Variants in RC3H2 observed in about 807,000 individuals in gnomAD.
RC3H2 encodes the protein ring finger and CCCH-type domains 2, also known as roquin-2.
RC3H2 carries 31 observed loss-of-function variants against 133.3 expected under a neutral mutation model. That is an observed-to-expected ratio of 0.23 (90% CI 0.17 to 0.31). RC3H2 has a LOEUF of 0.31. Ranked by LOEUF, RC3H2 falls within the 10% of genes least tolerant of loss-of-function variation. The probability of loss-of-function intolerance (pLI) is 1.00; values close to 1 mark genes in which losing one functional copy is unlikely to be tolerated. For missense variants in RC3H2, 1,175 were observed against 1,437.2 expected (o/e 0.82, Z 2.95); for synonymous variants, 517 against 502.2 (o/e 1.03, Z -0.40).
chr9:122,861,964 T>G (rs747045540), intron 10 of RC3H2, among the ~76,000 whole-genome samples: 5 of 152,234 alleles, frequency 3.3e-5, no homozygotes, highest in Admixed American at 2.6e-4. Context: ...TGATTAGGAT[T>G]TCCTTAAAAC....
In RC3H2 at chr9:122,854,601, C is replaced by T. The variant is rs757463932; in HGVS notation, c.2830G>A (p.Val944Ile). 4 of 1,610,752 alleles carry T rather than the reference C, an allele frequency of 2.5e-6. No individual in the cohort carries two copies. The highest frequency in any genetic ancestry group is 2.7e-5 in the African/African-American group (2 of 74,826). The change falls in exon 16 of 21, where the codon GTC (valine) becomes ATC (isoleucine). Residue 944 changes from valine to isoleucine, a missense_variant. By Grantham distance (29) the Val-to-Ile change is conservative. Transcript: ENST00000357244. The stretch of plus-strand genomic sequence containing the variant: ...CTCCACCTTGAATCAACAGCATTGA[C>T]ATAAGGGACATAATCTACAGACATG... ...PISVSDYVPY[V>I]NAVDSRWSSY...
In RC3H2 at chr9:122,858,741, G is replaced by T. The variant is rs772161628; in HGVS notation, c.2211C>A (p.Asn737Lys). The T allele has an allele frequency of 1.4e-5, 23 of 1,614,168 alleles. No individual in the cohort carries two copies. The highest frequency in any genetic ancestry group is 1.9e-5 in the Non-Finnish European group (23 of 1,180,028). The change falls in exon 12 of 21, where the codon AAC becomes AAA. Residue 737 changes from asparagine to lysine, a missense_variant. Around this residue, in one of 8 missense-constraint regions of RC3H2, gnomAD observed 490 missense variants for 492.8 expected, o/e 0.99. Coordinates refer to ENST00000357244, the MANE Select transcript of RC3H2 (RefSeq NM_001100588.3). The stretch of plus-strand genomic sequence containing the variant: ...CCACCGAATAATATCCATCTAATGA[G>T]TTATATCTTTCCCGCAAAGATGTCT... The part of the protein sequence containing the change: ...VYQTSLRERY[N>K]SLDGYYSVAC...
Position 122,905,330 on chromosome 9 carries a change from T to A in RC3H2, c.-288A>T, listed in dbSNP as rs941528541. ...CACCTCCGCCTCCTCCTCCTCCTCCTCCTCACCACGGAGGCGGACCTGGAG... is the reference window on the plus strand; with the variant it reads ...CACCTCCGCCTCCTCCTCCTCCTCCACCTCACCACGGAGGCGGACCTGGAG... On this transcript the variant is annotated 5_prime_UTR_variant, in exon 1 of 21. Transcript: ENST00000357244. 4.1e-6 allele frequency: 4 copies of A among 973,812 alleles called. No homozygotes were observed. Among genetic ancestry groups the A allele is most frequent in the African/African-American group, 1.8e-5 (1 of 56,978 alleles). The allele number at this position is 973,812 out of a possible 1,614,324, so 60.3% of individuals were successfully genotyped here. A position where few individuals can be genotyped will look rare whatever the true frequency, so the allele number is the denominator to read the frequency against.
Position 122,859,973 on chromosome 9 carries a change from T to C in RC3H2, c.1793A>G (p.Tyr598Cys). ...VYPPHSENIQ[Y>C]FQDPRTQIPF... ...TATCTGAGTCCTTGGATCTTGAAAATACTGAATGTTTTCAGAATGCGGAGG... is the reference window on the plus strand; with the variant it reads ...TATCTGAGTCCTTGGATCTTGAAAACACTGAATGTTTTCAGAATGCGGAGG... Residue 598 changes from tyrosine to cysteine, a missense_variant, in exon 11 of 21, where the codon TAT becomes TGT. By Grantham distance (194) the Tyr-to-Cys change is radical. Coordinates refer to ENST00000357244, the MANE Select transcript of RC3H2 (RefSeq NM_001100588.3). The C allele has an allele frequency of 1.2e-6, 2 of 1,614,176 alleles. No individual in the cohort carries two copies. The highest frequency in any genetic ancestry group is 1.7e-6 in the Non-Finnish European group (2 of 1,180,000).
Position 122,859,926 on chromosome 9 carries a change from G to C in RC3H2, c.1840C>G (p.Pro614Ala). ...TQIPFEVPQY[P>A]QTGYYPPPPT... ...GTCTAAAATTACTCACCTGTCTGTG[G>C]GTACTGTGGGACTTCAAAGGGTATC... The change falls in exon 11 of 21, where the codon CCA (proline) becomes GCA (alanine). Residue 614 changes from proline (P) to alanine (A), a missense_variant. Pro to Ala is a conservative substitution (Grantham distance 27). This residue lies in a region of RC3H2 where 490 missense variants were observed against 492.8 expected (regional missense o/e 0.99). Coordinates refer to ENST00000357244, the MANE Select transcript of RC3H2 (RefSeq NM_001100588.3). 1 of 1,608,904 alleles carries C rather than the reference G, an allele frequency of 6.2e-7. No individual in the cohort carries two copies. The highest frequency in any genetic ancestry group is 2.2e-5 in the East Asian group (1 of 44,846).
rs1316923884 is a variant in RC3H2, at chr9:122,851,402, G to C, written c.3152C>G (p.Thr1051Ser). Residue 1051 changes from threonine (T) to serine (S), a missense_variant, in exon 19 of 21, where the codon ACT becomes AGT. Thr to Ser is a moderately conservative substitution (Grantham distance 58). This residue lies in a region of RC3H2 where 220 missense variants were observed against 201.1 expected (regional missense o/e 1.09). Coordinates refer to ENST00000357244, the MANE Select transcript of RC3H2 (RefSeq NM_001100588.3). ...TAACTCGATATCCCTATCAGGTTTA[G>C]TATCTGTTGCATCTTCTGTATAATC... ...QSDYTEDATD[T>S]KPDRDIELEL... 2 of 1,614,122 alleles carry C rather than the reference G, an allele frequency of 1.2e-6. No individual in the cohort carries two copies. The highest frequency in any genetic ancestry group is 1.1e-5 in the South Asian group (1 of 91,084).
intron 1 of RC3H2, chr9:122,897,974 T>C (rs1215951243): frequency 6.4e-6 from 1 of 157,174 alleles, no homozygotes; most frequent in Non-Finnish European, 1.4e-5. Context: ...GGATAACCAG[T>C]ACCCCAAAAC....
intron 4 of RC3H2, among the ~76,000 whole-genome samples, chr9:122,885,573 C>CT (rs1831876527): frequency 6.6e-6 from 1 of 152,164 alleles, no homozygotes; most frequent in Non-Finnish European, 1.5e-5. Flanking sequence ...TTGCACCAAT[C>CT]TAATAGAACC....
chr9:122,867,077 C>G (rs1418687277), intron 9 of RC3H2, among the ~76,000 whole-genome samples: 1 of 137,692 alleles, frequency 7.3e-6, no homozygotes, highest in East Asian at 2.1e-4. Flanking sequence ...AGGTGAGGAG[C>G]GTCTCTGCCC....
In RC3H2 at chr9:122,848,134, G is replaced by A. The variant is rs190835536; in HGVS notation, c.*1493C>T. The A allele has an allele frequency of 6.0e-4, 92 of 152,204 alleles. No individual in the cohort carries two copies. The highest frequency in any genetic ancestry group is 2.1e-3 in the African/African-American group (87 of 41,558). The allele number at this position is 152,204 out of a possible 1,614,324, so 9.4% of individuals were successfully genotyped here. On this transcript the variant is annotated 3_prime_UTR_variant, in exon 21 of 21. Transcript: ENST00000357244. The stretch of plus-strand genomic sequence containing the variant: ...CGACCAATAACATGATCCTGTTTAA[G>A]CATCTTGCTAGCAGGAAAAGCCCTT...
chr9:122,867,821 C>T (rs1480633740), intron 9 of RC3H2, among the ~76,000 whole-genome samples: 60 of 105,510 alleles, frequency 5.7e-4, no homozygotes, highest in South Asian at 1.1e-3. Context: ...GGAGCCCCTC[C>T]GCCCGGCAGC....
intron 9 of RC3H2, among the ~76,000 whole-genome samples, chr9:122,876,555 G>A (rs141216989): frequency 0.016 from 2,407 of 151,664 alleles, 32 homozygotes; most frequent in South Asian, 0.064. Flanking sequence ...TTGAACAGGG[G>A]AGGCAGAGGT....
intron 5 of RC3H2, among the ~76,000 whole-genome samples, chr9:122,882,372 T>C (rs1831682800): frequency 6.6e-6 from 1 of 152,248 alleles, no homozygotes; most frequent in Non-Finnish European, 1.5e-5. Flanking sequence ...ATCAACTACC[T>C]GTTATCTCAA....
intron 20 of RC3H2, among the ~76,000 whole-genome samples, chr9:122,850,392 G>C (rs756313343): frequency 3.3e-5 from 5 of 149,792 alleles, no homozygotes; most frequent in Non-Finnish European, 7.4e-5. Flanking sequence ...CAAAATGGCA[G>C]TATTATAGCC....
At chr9:122,853,881 T>C (rs988274639) in intron 18 of RC3H2, 71 bp downstream of exon 18, 2 of 1,614,122 alleles carry the variant, frequency 1.2e-6, no homozygotes, top group Non-Finnish European at 1.7e-6. Flanking sequence ...CACTCAGTAA[T>C]GGTATAACCA....
chr9:122,869,898 C>T (rs1389892547), intron 9 of RC3H2, among the ~76,000 whole-genome samples: 3 of 151,912 alleles, frequency 2.0e-5, no homozygotes, highest in African/African-American at 7.3e-5. Flanking sequence ...AGAGGAAAAC[C>T]AATAATTACT....
intron 9 of RC3H2, among the ~76,000 whole-genome samples, chr9:122,867,442 G>A (rs1429413388): frequency 2.1e-4 from 31 of 149,312 alleles, no homozygotes; most frequent in African/African-American, 5.7e-4. Flanking sequence ...CAGCCACCCC[G>A]TCCAGGAGGG....
intron 18 of RC3H2, among the ~76,000 whole-genome samples, chr9:122,851,969 T>C (rs1467855664): frequency 1.3e-5 from 2 of 148,330 alleles, no homozygotes; most frequent in African/African-American, 5.0e-5. Context: ...TCGTCTGGGA[T>C]GTGAGGAGCC....
rs768324007 is a variant in RC3H2 at position 122,858,711 on chromosome 9, A to G, written c.2241T>C (p.Cys747=). 1.2e-6 allele frequency: 2 copies of G among 1,613,058 alleles called. No individual in the cohort carries two copies. Among genetic ancestry groups the G allele is most frequent in the Non-Finnish European group, 1.7e-6 (2 of 1,179,776 alleles). Residue 747 remains cysteine, a synonymous_variant, in exon 12 of 21, where the codon TGT becomes TGC. Coordinates refer to ENST00000357244, the MANE Select transcript of RC3H2 (RefSeq NM_001100588.3). ...NSLDGYYSVA[C]QPPSEPRTTV... is the part of the protein sequence containing the mutation. ...TTGTCCTTGGCTCACTTGGTGGCTG[A>G]CAAGCCACCGAATAATATCCATCTA...
Sources: allele counts gnomAD v4.1 joint callset (sites outside exome capture counted in the v4.1 genomes callset), GRCh38; gene constraint gnomAD v4.1.1; regional missense constraint gnomAD v4.1.1; transcripts MANE v1.5; gene names NCBI Gene and HGNC (gene_info 2026-07-23, HGNC 2026-07-21).